ZFHX3: variants seen among roughly 807,000 people sequenced by gnomAD.
ZFHX3 encodes the protein zinc finger homeobox 3.
Under a neutral mutation model 279.1 loss-of-function variants are expected in ZFHX3, and 42 were observed. The observed-to-expected ratio is 0.15, with a 90% CI of 0.12 to 0.19. The LOEUF is 0.19. Ranked by LOEUF, ZFHX3 falls within the 10% of genes least tolerant of loss-of-function variation. The pLI is 1.00. For synonymous variants in ZFHX3, 2,293 were observed against 1,957.8 expected (o/e 1.17, Z -4.52); for missense variants, 4,981 against 4,754.0 (o/e 1.05, Z -1.40).
At chr16:73,778,875 G>A (rs1408681225) in intron 1 of ZFHX3, among the ~76,000 whole-genome samples, 1 of 152,222 alleles carries the variant, frequency 6.6e-6, no homozygotes, top group Non-Finnish European at 1.5e-5. Context: ...ATATTAGGGA[G>A]CATCTGGGAA....
At chr16:73,260,484 T>TG (rs990564612) in intron 4 of ZFHX3, among the ~76,000 whole-genome samples, 5 of 152,144 alleles carry the variant, frequency 3.3e-5, no homozygotes, top group African/African-American at 1.2e-4. Context: ...TTGCTCCTGA[T>TG]GTGTGTCTTC....
At chr16:73,353,331 AG>A (rs2016281739) in intron 3 of ZFHX3, among the ~76,000 whole-genome samples, 1 of 152,226 alleles carries the variant, frequency 6.6e-6, no homozygotes, top group African/African-American at 2.4e-5. Context: ...TGAAAACCAA[AG>A]CAAGGACTGC....
At chr16:73,012,623 T>G (rs1046457826) in intron 1 of ZFHX3, among the ~76,000 whole-genome samples, 1 of 152,126 alleles carries the variant, frequency 6.6e-6, no homozygotes, top group Admixed American at 6.5e-5. Context: ...TACTTATATC[T>G]TAATCTAGGC....
At chr16:73,136,014 T>C (rs1467572997) in intron 6 of ZFHX3, among the ~76,000 whole-genome samples, 2 of 152,150 alleles carry the variant, frequency 1.3e-5, no homozygotes, top group African/African-American at 4.8e-5. Context: ...CACGCCACCA[T>C]GCCCAGCTAA....
chr16:72,957,798 G>C lies in ZFHX3; in HGVS notation c.2348C>G (p.Ala783Gly). The C allele has an allele frequency of 7.5e-7, 1 of 1,327,296 alleles. No individual in the cohort carries two copies. The highest frequency in any genetic ancestry group is 2.5e-5 in the East Asian group (1 of 40,800). 82.2% of individuals were successfully genotyped at this position (1,327,296 alleles called of 1,614,324 possible). ...AAAAVAAAAA[A>G]ANISSSCGAP... ...CCCGCAGGAGCTACTGATATTGGCT[G>C]CCGCCGCCGCCGCAGCCACCGCCGC... The change falls in exon 2 of 10, where the codon GCA (alanine) becomes GGA (glycine). Residue 783 changes from alanine (A) to glycine (G), a missense_variant. Ala to Gly is a moderately conservative substitution (Grantham distance 60). Transcript: ENST00000268489.
intron 5 of ZFHX3, among the ~76,000 whole-genome samples, chr16:73,184,500 C>A (rs1424942489): frequency 6.6e-6 from 1 of 152,126 alleles, no homozygotes; most frequent in Non-Finnish European, 1.5e-5. Context: ...TCTGCCACTG[C>A]CCAAGTGGGG....
intron 2 of ZFHX3, among the ~76,000 whole-genome samples, chr16:73,555,157 G>A (rs2020257372): frequency 6.6e-6 from 1 of 152,024 alleles, no homozygotes; most frequent in Non-Finnish European, 1.5e-5. Context: ...AAGGCAGTTC[G>A]TATTTTATTT....
chr16:73,443,351 C>T (rs1186402443), intron 3 of ZFHX3, among the ~76,000 whole-genome samples: 1 of 152,176 alleles, frequency 6.6e-6, no homozygotes, highest in Non-Finnish European at 1.5e-5. Context: ...ATAGACAATT[C>T]CCACTCAGAG....
At chr16:73,002,748 C>T (rs1385025704) in intron 1 of ZFHX3, among the ~76,000 whole-genome samples, 1 of 152,144 alleles carries the variant, frequency 6.6e-6, no homozygotes, top group Non-Finnish European at 1.5e-5. Flanking sequence ...AAATTAGGTT[C>T]TCGCTAATTC....
At chr16:73,746,929 T>C (rs2053710107) in intron 1 of ZFHX3, among the ~76,000 whole-genome samples, 1 of 152,242 alleles carries the variant, frequency 6.6e-6, no homozygotes, top group African/African-American at 2.4e-5. Context: ...ATTATCAACA[T>C]TCCATGCATT....
rs528471553 is a variant in ZFHX3 at position 73,228,343 on chromosome 16, T to C, written c.-1104+28704A>G. Among the ~76,000 whole-genome samples the C allele has an allele frequency of 5.3e-5, 8 of 152,306 alleles. 1 individual carries two copies. In the South Asian group the frequency reaches 1.7e-3, roughly 32 times the overall value. On this transcript the variant is annotated intron_variant, in intron 5 of 17. Coordinates refer to the ZFHX3 transcript ENST00000641206. Reference sequence around the variant, plus strand: ...ATGTGTTAAAACATTTTCTTTGACCTAAAAGTTTACTCTTAAAATGAGTTT... The same window carrying C: ...ATGTGTTAAAACATTTTCTTTGACCCAAAAGTTTACTCTTAAAATGAGTTT...
chr16:73,171,852 A>T (rs548849722), intron 5 of ZFHX3, among the ~76,000 whole-genome samples: 1 of 152,134 alleles, frequency 6.6e-6, no homozygotes, highest in Non-Finnish European at 1.5e-5. Flanking sequence ...GCCCTCCTCA[A>T]CTGTTCCCAA....
intron 4 of ZFHX3, among the ~76,000 whole-genome samples, chr16:72,847,840 C>T (rs952209287): frequency 1.3e-5 from 2 of 152,018 alleles, no homozygotes; most frequent in Non-Finnish European, 2.9e-5. Context: ...AAACCCATCA[C>T]GGCTTAAAGC....
intron 4 of ZFHX3, among the ~76,000 whole-genome samples, chr16:72,844,945 C>T (rs2143806449): frequency 6.6e-6 from 1 of 151,972 alleles, no homozygotes; most frequent in East Asian, 1.9e-4. Context: ...CCCTTCCCTG[C>T]CTTCATAGAG....
Position 73,723,140 on chromosome 16 carries a change from C to A in ZFHX3, c.-1607-42900G>T, listed in dbSNP as rs138310720. ...ACCTAACAATATCCACTATGAGAAA[C>A]ACAACCCCATTGGCCACGGACTGAT... On this transcript the variant is annotated intron_variant, in intron 1 of 17. Coordinates refer to the ZFHX3 transcript ENST00000641206. Among the ~76,000 whole-genome samples, 523 of 152,306 alleles carry A rather than the reference C, an allele frequency of 3.4e-3. 3 individuals are homozygous for A. Among genetic ancestry groups the A allele is most frequent in the African/African-American group, 0.012 (481 of 41,576 alleles).
intron 4 of ZFHX3, among the ~76,000 whole-genome samples, chr16:73,290,718 G>A (rs2014747932): frequency 6.6e-6 from 1 of 152,164 alleles, no homozygotes; most frequent in Non-Finnish European, 1.5e-5. Context: ...TGCTTTTTGG[G>A]TTTCAGTGTA....
intron 5 of ZFHX3, among the ~76,000 whole-genome samples, chr16:73,192,675 C>T (rs1002199335): frequency 1.3e-5 from 2 of 152,140 alleles, no homozygotes; most frequent in Non-Finnish European, 2.9e-5. Flanking sequence ...TGAAGAAGCC[C>T]GTGGAGCACC....
intron 2 of ZFHX3, among the ~76,000 whole-genome samples, chr16:73,492,257 C>G (rs1235616925): frequency 6.6e-6 from 1 of 152,188 alleles, no homozygotes; most frequent in Non-Finnish European, 1.5e-5. Context: ...ACAAGCCACT[C>G]CTGACTCCTC....
At chr16:73,366,976 G>A (rs918348727) in intron 3 of ZFHX3, among the ~76,000 whole-genome samples, 5 of 151,908 alleles carry the variant, frequency 3.3e-5, no homozygotes, top group African/African-American at 7.3e-5. Context: ...ATTTTTGTGC[G>A]GGCCCAGGAC....
Sources: gnomAD v4.1 joint callset for allele counts (sites outside exome capture counted in the v4.1 genomes callset) on GRCh38, gnomAD v4.1.1 for gene constraint, MANE v1.5 for transcripts, NCBI Gene and HGNC (gene_info 2026-07-23, HGNC 2026-07-21) for gene names.